The following GNA14 variants were observed in gnomAD, a reference collection of about 807,000 sequenced individuals.
GNA14 encodes G protein subunit alpha 14, also known as guanine nucleotide-binding protein subunit alpha-14.
GNA14 carries 50 observed loss-of-function variants against 42.0 expected under a neutral mutation model. The observed-to-expected ratio is 1.19, with a 90% CI of 0.95 to 1.51. The LOEUF (loss-of-function observed/expected upper bound fraction) is 1.51. GNA14 is among the 40% of genes most tolerant of loss of function. GNA14 has a pLI of 0.00. For missense variants in GNA14, 473 were observed against 446.2 expected, an observed-to-expected ratio of 1.06 and a Z score of -0.54; for synonymous variants, 173 against 163.1, an observed-to-expected ratio of 1.06 and a Z score of -0.46.
intron 2 of GNA14, among the ~76,000 whole-genome samples, chr9:77,484,359 T>C (rs568904881): frequency 1.3e-5 from 2 of 152,124 alleles, no homozygotes; most frequent in African/African-American, 4.8e-5. Context: ...TGGAAAAAAT[T>C]AAAACGTGTT....
intron 2 of GNA14, among the ~76,000 whole-genome samples, chr9:77,472,846 C>G (rs1836356704): frequency 6.6e-6 from 1 of 151,036 alleles, no homozygotes; most frequent in Non-Finnish European, 1.5e-5. Context: ...AAGAAGAGGT[C>G]ATGTGAACCA....
chr9:77,544,297 A>G (rs1837693754), intron 1 of GNA14, among the ~76,000 whole-genome samples: 1 of 152,218 alleles, frequency 6.6e-6, no homozygotes, highest in Non-Finnish European at 1.5e-5. Context: ...ACTTTTCCCT[A>G]AAAACAAACC....
intron 2 of GNA14, among the ~76,000 whole-genome samples, chr9:77,519,476 G>T (rs567714858): frequency 6.6e-6 from 1 of 152,222 alleles, no homozygotes; most frequent in South Asian, 2.1e-4. Flanking sequence ...GTTTATATCG[G>T]ATTAGTTAAT....
At chr9:77,591,141 G>A (rs762526791) in intron 1 of GNA14, among the ~76,000 whole-genome samples, 1 of 152,154 alleles carries the variant, frequency 6.6e-6, no homozygotes, top group Non-Finnish European at 1.5e-5. Flanking sequence ...TTTTCAGGAC[G>A]ATCACACGCT....
At chr9:77,437,133 T>C (rs1226650081) in intron 2 of GNA14, among the ~76,000 whole-genome samples, 1 of 152,254 alleles carries the variant, frequency 6.6e-6, no homozygotes, top group Admixed American at 6.5e-5. Flanking sequence ...GCTTTAGTGC[T>C]GCGACAATCA....
intron 1 of GNA14, among the ~76,000 whole-genome samples, chr9:77,594,005 C>CT (rs1228085287): frequency 6.6e-6 from 1 of 152,082 alleles, no homozygotes; most frequent in African/African-American, 2.4e-5. Flanking sequence ...TCCTTTTTGC[C>CT]TAATGTATCA....
intron 1 of GNA14, among the ~76,000 whole-genome samples, chr9:77,617,653 C>T (rs539808312): frequency 6.6e-6 from 1 of 152,000 alleles, no homozygotes; most frequent in South Asian, 2.1e-4. Context: ...TTCTTGGCCT[C>T]CCCTAACACT....
At chr9:77,583,013 T>G (rs1474254741) in intron 1 of GNA14, among the ~76,000 whole-genome samples, 2 of 152,202 alleles carry the variant, frequency 1.3e-5, no homozygotes, top group Non-Finnish European at 2.9e-5. Flanking sequence ...ATGAATGCAG[T>G]GCTAGCATCT....
At chr9:77,532,109 C>T (rs1212050210) in intron 1 of GNA14, among the ~76,000 whole-genome samples, 1 of 152,108 alleles carries the variant, frequency 6.6e-6, no homozygotes, top group African/African-American at 2.4e-5. Flanking sequence ...TCAGCATCAC[C>T]CAGCTAGTGT....
intron 1 of GNA14, among the ~76,000 whole-genome samples, chr9:77,639,161 T>C (rs1824221629): frequency 6.6e-6 from 1 of 152,194 alleles, no homozygotes; most frequent in Admixed American, 6.5e-5. Flanking sequence ...GCCCAGCATC[T>C]GAGCACTTAC....
At chr9:77,446,903 C>T (rs1039654190) in intron 2 of GNA14, among the ~76,000 whole-genome samples, 3 of 151,872 alleles carry the variant, frequency 2.0e-5, no homozygotes, top group South Asian at 2.1e-4. Flanking sequence ...TTAACCAGTA[C>T]AGAGATGAAC....
chr9:77,602,585 C>CCT (rs1220060733), intron 1 of GNA14, among the ~76,000 whole-genome samples: 32 of 151,704 alleles, frequency 2.1e-4, no homozygotes, highest in African/African-American at 7.7e-4. Context: ...GTAGCATTCT[C>CCT]CTCTCTCCTC....
intron 1 of GNA14, among the ~76,000 whole-genome samples, chr9:77,576,008 G>C (rs1823123090): frequency 6.6e-6 from 1 of 152,200 alleles, no homozygotes; most frequent in Non-Finnish European, 1.5e-5. Flanking sequence ...GTGCTGAAAT[G>C]TTGTTGCAAT....
intron 1 of GNA14, among the ~76,000 whole-genome samples, chr9:77,574,999 G>T (rs1050508070): frequency 1.3e-5 from 2 of 152,186 alleles, no homozygotes; most frequent in African/African-American, 4.8e-5. Context: ...CCTGTAGGGG[G>T]GAAGTAAATA....
intron 1 of GNA14, among the ~76,000 whole-genome samples, chr9:77,537,450 T>TATA (rs1837611719): frequency 6.6e-6 from 1 of 152,230 alleles, no homozygotes; most frequent in Non-Finnish European, 1.5e-5. Flanking sequence ...CCACTATGTA[T>TATA]ATATACCACA....
chr9:77,536,299 A>T (rs950333288), intron 1 of GNA14, among the ~76,000 whole-genome samples: 1 of 152,214 alleles, frequency 6.6e-6, no homozygotes, highest in Non-Finnish European at 1.5e-5. Context: ...AAACAACAGC[A>T]GAACAACGGA....
chr9:77,514,752 T>C (rs1369277752), intron 2 of GNA14, among the ~76,000 whole-genome samples: 2 of 151,958 alleles, frequency 1.3e-5, no homozygotes, highest in Non-Finnish European at 2.9e-5. Context: ...TAGCTGGGAC[T>C]ACAGGCGTCT....
At position 77,623,836 on chromosome 9, in the gene GNA14, G is replaced by A. The variant is rs143271908; in HGVS notation, c.124+23834C>T. Among the ~76,000 whole-genome samples the A allele has an allele frequency of 4.1e-3, 626 of 152,270 alleles. 1 individual carries two copies. The highest frequency in any genetic ancestry group is 0.014 in the African/African-American group (570 of 41,560). On this transcript the variant is annotated intron_variant, in intron 1 of 6. Coordinates refer to ENST00000341700, the MANE Select transcript of GNA14 (RefSeq NM_004297.4). Reference sequence around the variant, plus strand: ...GCCATGGATTTGAAGCACAAAACTGGGCTGCTGTTTGGGCAGACACTGAGC... The same window carrying A: ...GCCATGGATTTGAAGCACAAAACTGAGCTGCTGTTTGGGCAGACACTGAGC...
At chr9:77,493,067 C>T (rs1373986280) in intron 2 of GNA14, among the ~76,000 whole-genome samples, 1 of 127,332 alleles carries the variant, frequency 7.9e-6, no homozygotes, top group Non-Finnish European at 1.6e-5. Flanking sequence ...CTCAGAGGAA[C>T]ATGGCAGCAG....
Sources: allele counts gnomAD v4.1 joint callset (sites outside exome capture counted in the v4.1 genomes callset), GRCh38; gene constraint gnomAD v4.1.1; transcripts MANE v1.5; gene names NCBI Gene and HGNC (gene_info 2026-07-23, HGNC 2026-07-21).